Variants in TXNL1 observed in about 807,000 individuals in gnomAD.
TXNL1 encodes thioredoxin-like protein 1.
TXNL1 carries 14 observed loss-of-function variants against 35.5 expected under a neutral mutation model. That is an observed-to-expected ratio of 0.39 (90% CI 0.26 to 0.62). The LOEUF (loss-of-function observed/expected upper bound fraction) is 0.62. Ranked by LOEUF, TXNL1 falls within the 20% of genes least tolerant of loss-of-function variation. TXNL1 has a pLI of 0.47. For synonymous variants in TXNL1, 110 were observed against 115.5 expected (o/e 0.95, Z 0.31); for missense variants, 263 against 349.7 (o/e 0.75, Z 1.98).
intron 1 of TXNL1, among the ~76,000 whole-genome samples, chr18:56,635,470 T>C (rs923711012): frequency 3.9e-5 from 6 of 152,194 alleles, no homozygotes; most frequent in African/African-American, 1.4e-4. Context: ...AAGACATGGA[T>C]GAACCTTGAA....
chr18:56,633,619 CAAAAA>C (rs58501408), intron 1 of TXNL1, among the ~76,000 whole-genome samples: 1 of 91,042 alleles, frequency 1.1e-5, no homozygotes. Context: ...GACCCTGTCT[CAAAAA>C]AAAAAAAAAA....
intron 1 of TXNL1, among the ~76,000 whole-genome samples, chr18:56,635,751 T>C (rs1243303159): frequency 6.6e-6 from 1 of 152,160 alleles, no homozygotes; most frequent in African/African-American, 2.4e-5. Context: ...TGTGACTGTA[T>C]AGTCATGTCT....
intron 7 of TXNL1, chr18:56,605,396 AC>A (rs2023874463): frequency 6.6e-6 from 1 of 152,160 alleles, no homozygotes; most frequent in Non-Finnish European, 1.5e-5. Flanking sequence ...TGAAAAATAA[AC>A]AGACAGAAAT....
intron 7 of TXNL1, chr18:56,608,246 T>G (rs2023933905): frequency 6.6e-6 from 1 of 152,230 alleles, no homozygotes; most frequent in African/African-American, 2.4e-5. Context: ...CTGGCCAATT[T>G]CAGTTACATG....
chr18:56,622,456 G>A (rs902438846), intron 3 of TXNL1, among the ~76,000 whole-genome samples: 6 of 151,970 alleles, frequency 3.9e-5, no homozygotes, highest in Non-Finnish European at 7.4e-5. Context: ...TGGTATCATC[G>A]TTATATAAGA....
intron 3 of TXNL1, among the ~76,000 whole-genome samples, chr18:56,621,105 A>T (rs1241208955): frequency 6.6e-6 from 1 of 152,204 alleles, no homozygotes; most frequent in Non-Finnish European, 1.5e-5. Flanking sequence ...TTACAGTCAG[A>T]CTTGCAATAC....
intron 6 of TXNL1, among the ~76,000 whole-genome samples, chr18:56,612,430 C>T (rs975884961): frequency 9.2e-5 from 14 of 151,852 alleles, no homozygotes; most frequent in East Asian, 3.9e-4. Context: ...CCCCTCAGCA[C>T]GATAAAAACT....
In TXNL1 at chr18:56,602,558, T is replaced by G. The variant is rs1365238512; in HGVS notation, c.*469A>C. The G allele has an allele frequency of 1.3e-5, 2 of 156,366 alleles. No individual in the cohort carries two copies. The highest frequency in any genetic ancestry group is 2.8e-5 in the Non-Finnish European group (2 of 70,990). The allele number at this position is 156,366 out of a possible 1,614,324, so 9.7% of individuals were successfully genotyped here. Reference sequence around the variant, plus strand: ...CTTCTAATTTATAATTTGAGTAATTTCCATAGCTCAGATATACAAATGTCC... The same window carrying G: ...CTTCTAATTTATAATTTGAGTAATTGCCATAGCTCAGATATACAAATGTCC... On this transcript the variant is annotated 3_prime_UTR_variant, in exon 8 of 8. Transcript: ENST00000217515.
At chr18:56,629,563 AT>A (rs1275409200) in intron 1 of TXNL1, among the ~76,000 whole-genome samples, 1 of 152,226 alleles carries the variant, frequency 6.6e-6, no homozygotes, top group Non-Finnish European at 1.5e-5. Context: ...CTAGGATCAC[AT>A]TTCAAACCTA....
At position 56,634,580 on chromosome 18, in the gene TXNL1, A is replaced by T. The variant is rs188679957; in HGVS notation, c.98+3763T>A. 2.0e-5 allele frequency among the ~76,000 whole-genome samples: 3 copies of T among 152,338 alleles called. No individual in the cohort carries two copies. In the East Asian group the frequency reaches 5.8e-4, roughly 29 times the overall value. Reference sequence around the variant, plus strand: ...CAATGAGGAAAAGACAGTGTTTTCGATAAACGGTGTTGGAAAAATTGGATA... The same window carrying T: ...CAATGAGGAAAAGACAGTGTTTTCGTTAAACGGTGTTGGAAAAATTGGATA... On this transcript the variant is annotated intron_variant, in intron 1 of 7. Transcript: ENST00000217515.
In TXNL1 at chr18:56,602,982, G is replaced by A; in HGVS notation, c.*45C>T. On this transcript the variant is annotated 3_prime_UTR_variant, in exon 8 of 8. Coordinates refer to ENST00000217515, the MANE Select transcript of TXNL1 (RefSeq NM_004786.3). ...GCGAGAATCAAGCAATTATCCAGGAGCTGTAGATCTGATTGCAATATGGTT... is the reference window on the plus strand; with the variant it reads ...GCGAGAATCAAGCAATTATCCAGGAACTGTAGATCTGATTGCAATATGGTT... 6.3e-7 allele frequency: 1 copy of A among 1,598,256 alleles called. No homozygotes were observed. The highest frequency in any genetic ancestry group is 1.1e-5 in the South Asian group (1 of 90,654).
intron 1 of TXNL1, among the ~76,000 whole-genome samples, chr18:56,634,265 G>A (rs766256478): frequency 7.9e-5 from 12 of 152,204 alleles, no homozygotes; most frequent in Non-Finnish European, 1.5e-4. Context: ...GCTCTGTGCA[G>A]ATACACAGAG....
Position 56,614,421 on chromosome 18 carries a change from T to C in TXNL1, c.735+3A>G, listed in dbSNP as rs1255640421. ...AAATACATATGAACGAAATACTACT[T>C]ACAGTTACACTGTTAACATTCTGAA... is the stretch of plus-strand genomic sequence containing the variant. On this transcript the variant is annotated splice_donor_region_variant and intron_variant, in intron 6 of 7. Transcript: ENST00000217515. The C allele has an allele frequency of 5.6e-6, 9 of 1,610,074 alleles. No individual in the cohort carries two copies. Among genetic ancestry groups the C allele is most frequent in the Non-Finnish European group, 6.8e-6 (8 of 1,177,634 alleles).
At chr18:56,621,473 C>T (rs895181221) in intron 3 of TXNL1, among the ~76,000 whole-genome samples, 5 of 152,030 alleles carry the variant, frequency 3.3e-5, no homozygotes, top group South Asian at 2.1e-4. Context: ...GGATTACAGG[C>T]GTGAGCCACC....
At chr18:56,625,440 G>C (rs907902275) in intron 2 of TXNL1, among the ~76,000 whole-genome samples, 23 of 151,984 alleles carry the variant, frequency 1.5e-4, no homozygotes, top group Non-Finnish European at 2.6e-4. Context: ...TTTAAAATCT[G>C]ATCTGTATTT....
Position 56,599,555 on chromosome 18 carries a change from G to A in TXNL1, c.*3472C>T, listed in dbSNP as rs1348395118. 1 of 151,388 alleles carries A rather than the reference G, an allele frequency of 6.6e-6. No homozygotes were observed. The allele number at this position is 151,388 out of a possible 1,614,324, so 9.4% of individuals were successfully genotyped here. On this transcript the variant is annotated 3_prime_UTR_variant, in exon 8 of 8. Transcript: ENST00000217515. ...TCTAGTTTTTCTTTAGCAGTTCTGT[G>A]AATGGATTTTTTTTTTTTTTCTTTT... is the stretch of plus-strand genomic sequence containing the variant.
At chr18:56,626,561 T>G (rs2024282915) in intron 1 of TXNL1, 104 bp from the exon 2 acceptor site, 1 of 1,026,774 alleles carries the variant, frequency 9.7e-7, no homozygotes, top group African/African-American at 1.7e-5. Flanking sequence ...TGCTGGCTTT[T>G]GACTCTCTGT....
intron 6 of TXNL1, 139 bp downstream of exon 6, chr18:56,614,285 A>T: frequency 1.5e-6 from 1 of 673,276 alleles, no homozygotes; most frequent in South Asian, 2.6e-5. Flanking sequence ...AAGAAAATTT[A>T]TCCCATTAAA....
At position 56,600,958 on chromosome 18, in the gene TXNL1, T is replaced by C. The variant is rs895105468; in HGVS notation, c.*2069A>G. ...TCAAAATACAGAGATCATGAAATTCTTTTTTGCTATGTCCGACAAAATGAA... is the reference window on the plus strand; with the variant it reads ...TCAAAATACAGAGATCATGAAATTCCTTTTTGCTATGTCCGACAAAATGAA... On this transcript the variant is annotated 3_prime_UTR_variant, in exon 8 of 8. Transcript: ENST00000217515. 1 of 152,202 alleles carries C rather than the reference T, an allele frequency of 6.6e-6. No individual in the cohort carries two copies. Among genetic ancestry groups the C allele is most frequent in the Non-Finnish European group, 1.5e-5 (1 of 68,028 alleles). 9.4% of individuals were successfully genotyped at this position (152,202 alleles called of 1,614,324 possible).
Sources: allele counts gnomAD v4.1 joint callset (sites outside exome capture counted in the v4.1 genomes callset), GRCh38; gene constraint gnomAD v4.1.1; transcripts MANE v1.5; gene names NCBI Gene and HGNC (gene_info 2026-07-23, HGNC 2026-07-21).